Variants in HIGD1A observed in about 807,000 individuals in gnomAD.
HIGD1A encodes the protein HIG1 hypoxia inducible domain family member 1A.
Under a neutral mutation model 11.3 loss-of-function variants are expected in HIGD1A, and 8 were observed. The observed-to-expected ratio is 0.71, with a 90% CI of 0.42 to 1.28. HIGD1A has a LOEUF of 1.28. HIGD1A is among the 50% of genes most tolerant of loss of function. The pLI, the probability that HIGD1A is intolerant of heterozygous loss-of-function variation, is 0.01. For synonymous variants in HIGD1A, 32 were observed against 38.4 expected, an observed-to-expected ratio of 0.83 and a Z score of 0.62; for missense variants, 107 against 118.8, an observed-to-expected ratio of 0.90 and a Z score of 0.46.
intron 2 of HIGD1A, among the ~76,000 whole-genome samples, chr3:42,789,564 G>GAAT (rs778588668): frequency 1.1e-4 from 2 of 18,548 alleles, no homozygotes; most frequent in Non-Finnish European, 1.8e-4. Context: ...GAACATCCAA[G>GAAT]AACAAAAAAA....
At chr3:42,788,022 AC>A (rs201675449) in intron 2 of HIGD1A, among the ~76,000 whole-genome samples, 1,876 of 16,342 alleles carry the variant, frequency 0.11, 35 homozygotes, top group African/African-American at 0.12. Context: ...CCACACACAT[AC>A]CCCCACCTCT....
At chr3:42,786,364 G>C (rs930055283) in intron 2 of HIGD1A, among the ~76,000 whole-genome samples, 1 of 152,074 alleles carries the variant, frequency 6.6e-6, no homozygotes, top group African/African-American at 2.4e-5. Flanking sequence ...AGAAAGTCAG[G>C]ATTATCTTTA....
At chr3:42,803,686 C>T (rs1406539157) in intron 1 of HIGD1A, among the ~76,000 whole-genome samples, 3 of 152,246 alleles carry the variant, frequency 2.0e-5, no homozygotes, top group African/African-American at 7.2e-5. Flanking sequence ...GAAATAGCTG[C>T]TTCCCACTCC....
At chr3:42,791,813 A>G (rs1479416680) in intron 2 of HIGD1A, among the ~76,000 whole-genome samples, 1 of 152,228 alleles carries the variant, frequency 6.6e-6, no homozygotes, top group Admixed American at 6.5e-5. Flanking sequence ...TAAATGACTT[A>G]AAAGTCATAA....
chr3:42,790,790 GTTTC>G (rs1029226085), intron 2 of HIGD1A, among the ~76,000 whole-genome samples: 1 of 152,116 alleles, frequency 6.6e-6, no homozygotes, highest in Non-Finnish European at 1.5e-5. Flanking sequence ...GGGCAAGCCA[GTTTC>G]TTTTTCTTTT....
chr3:42,786,555 A>G (rs1700354261), intron 2 of HIGD1A, among the ~76,000 whole-genome samples: 1 of 152,234 alleles, frequency 6.6e-6, no homozygotes, highest in South Asian at 2.1e-4. Context: ...TTAATATACC[A>G]GAGACAATCC....
intron 2 of HIGD1A, among the ~76,000 whole-genome samples, chr3:42,790,526 C>G (rs1402691156): frequency 6.6e-6 from 1 of 152,144 alleles, no homozygotes; most frequent in Non-Finnish European, 1.5e-5. Flanking sequence ...GAGCAAGACT[C>G]CGTCTCGAAA....
Position 42,804,466 on chromosome 3 carries a change from C to G in HIGD1A, c.-53G>C. 1 of 467,542 alleles carries G rather than the reference C, an allele frequency of 2.1e-6. No individual in the cohort carries two copies. The highest frequency in any genetic ancestry group is 3.7e-5 in the South Asian group (1 of 27,236). The allele number at this position is 467,542 out of a possible 1,614,324, so 29.0% of individuals were successfully genotyped here. ...GCGAGAAAACCTCTCACACCCCAACCGGCTTCCGATCCCTGCAGGCGCACC... is the reference window on the plus strand; with the variant it reads ...GCGAGAAAACCTCTCACACCCCAACGGGCTTCCGATCCCTGCAGGCGCACC... On this transcript the variant is annotated 5_prime_UTR_variant, in exon 1 of 4. Coordinates refer to ENST00000321331, the MANE Select transcript of HIGD1A (RefSeq NM_014056.4).
rs576798789 is a variant in HIGD1A, at chr3:42,804,486, C to G, written c.-73G>C. On this transcript the variant is annotated 5_prime_UTR_variant, in exon 1 of 4. Transcript: ENST00000321331. ...CCAACCGGCTTCCGATCCCTGCAGG[C>G]GCACCCAGTCCTCCCGGCTTCTCCC... is the stretch of plus-strand genomic sequence containing the variant. The G allele has an allele frequency of 2.9e-5, 13 of 452,020 alleles. No homozygotes were observed. Among genetic ancestry groups the G allele is most frequent in the Admixed American group, 4.2e-5 (1 of 24,064 alleles). The allele number at this position is 452,020 out of a possible 1,614,324, so 28.0% of individuals were successfully genotyped here. A position where few individuals can be genotyped will look rare whatever the true frequency, so the allele number is the denominator to read the frequency against.
intron 2 of HIGD1A, among the ~76,000 whole-genome samples, chr3:42,790,591 C>T (rs1333475340): frequency 6.6e-6 from 1 of 152,074 alleles, no homozygotes; most frequent in Non-Finnish European, 1.5e-5. Flanking sequence ...TTGATGAATA[C>T]ATTAAAAAGC....
At chr3:42,786,190 G>A (rs1419184079) in intron 2 of HIGD1A, 28 bp from the exon 3 acceptor site, 2 of 1,613,176 alleles carry the variant, frequency 1.2e-6, no homozygotes, top group Non-Finnish European at 1.7e-6. Context: ...AAGTATGTCA[G>A]ATGCATGAGA....
At chr3:42,787,587 T>A in intron 2 of HIGD1A, among the ~76,000 whole-genome samples, 1 of 21,038 alleles carries the variant, frequency 4.8e-5, no homozygotes, top group East Asian at 3.8e-3. Flanking sequence ...CGAGACTCCA[T>A]CTCAAAAATA....
intron 1 of HIGD1A, 150 bp downstream of exon 1, chr3:42,804,286 C>T: frequency 7.9e-7 from 1 of 1,262,696 alleles, no homozygotes; most frequent in Non-Finnish European, 1.1e-6. Flanking sequence ...GGCCTGAGCC[C>T]CGGCAACTCC....
chr3:42,794,868 T>C (rs1046578059), intron 1 of HIGD1A, among the ~76,000 whole-genome samples: 1 of 152,258 alleles, frequency 6.6e-6, no homozygotes, highest in Non-Finnish European at 1.5e-5. Flanking sequence ...AAGATTATTC[T>C]GAATAGCCAA....
At chr3:42,794,825 A>G (rs1484954945) in intron 1 of HIGD1A, among the ~76,000 whole-genome samples, 1 of 152,180 alleles carries the variant, frequency 6.6e-6, no homozygotes, top group Non-Finnish European at 1.5e-5. Flanking sequence ...CTATTACAGT[A>G]ATCTGTTATC....
chr3:42,786,203 G>A (rs1220726929), intron 2 of HIGD1A, 41 bp from the exon 3 acceptor site: 1 of 1,606,536 alleles, frequency 6.2e-7, no homozygotes, highest in Admixed American at 1.7e-5. Flanking sequence ...GCATGAGAAG[G>A]GACCAAGATG....
chr3:42,803,663 T>C (rs1700598689), intron 1 of HIGD1A, among the ~76,000 whole-genome samples: 2 of 152,206 alleles, frequency 1.3e-5, no homozygotes, highest in African/African-American at 4.8e-5. Context: ...TCGTGGGGAT[T>C]ACTCCGAAGA....
intron 2 of HIGD1A, among the ~76,000 whole-genome samples, chr3:42,786,493 T>C (rs1237907940): frequency 6.6e-6 from 1 of 152,172 alleles, no homozygotes; most frequent in African/African-American, 2.4e-5. Context: ...ACTTAGAGAA[T>C]GAATTTATTC....
chr3:42,786,739 T>TTTTGAGG (rs1316704279), intron 2 of HIGD1A, among the ~76,000 whole-genome samples: 2 of 152,216 alleles, frequency 1.3e-5, no homozygotes, highest in Non-Finnish European at 2.9e-5. Context: ...GGCAAAAGCA[T>TTTTGAGG]TCAGGACATG....
Sources: gnomAD v4.1 joint callset for allele counts (sites outside exome capture counted in the v4.1 genomes callset) on GRCh38, gnomAD v4.1.1 for gene constraint, MANE v1.5 for transcripts, NCBI Gene and HGNC (gene_info 2026-07-23, HGNC 2026-07-21) for gene names.